Variants in ZNF516 observed in about 807,000 individuals in gnomAD.
ZNF516 encodes zinc finger protein 516.
A neutral mutation model predicts 79.7 loss-of-function variants in ZNF516; 19 were observed. The observed-to-expected ratio is 0.24, with a 90% confidence interval of 0.17 to 0.35. The LOEUF (loss-of-function observed/expected upper bound fraction) is 0.35. Among genes scored for constraint, ZNF516 ranks in the 10% least tolerant of loss-of-function variants. The probability of loss-of-function intolerance (pLI) is 1.00; values close to 1 mark genes in which losing one functional copy is unlikely to be tolerated. For missense variants in ZNF516, 1,678 were observed against 1,679.5 expected (o/e 1.00, Z 0.02); for synonymous variants, 877 against 739.5 (o/e 1.19, Z -3.02).
intron 2 of ZNF516, among the ~76,000 whole-genome samples, chr18:76,444,992 G>C (rs3829638): frequency 0.018 from 2,674 of 152,272 alleles, 37 homozygotes; most frequent in African/African-American, 0.037. Context: ...CAGCAACACA[G>C]AGGTTCTGCT....
At chr18:76,386,542 G>C (rs1234975663) in intron 3 of ZNF516, 1 of 152,166 alleles carries the variant, frequency 6.6e-6, no homozygotes, top group Non-Finnish European at 1.5e-5. Flanking sequence ...AGGGAAGAAA[G>C]CTTGATGCTT....
At chr18:76,431,838 T>A (rs2075665320) in intron 3 of ZNF516, among the ~76,000 whole-genome samples, 2 of 152,180 alleles carry the variant, frequency 1.3e-5, no homozygotes, top group South Asian at 4.1e-4. Flanking sequence ...AAAATCAATC[T>A]CTTTTCTTTA....
chr18:76,376,077 G>A (rs1338229663), intron 4 of ZNF516, among the ~76,000 whole-genome samples: 2 of 152,262 alleles, frequency 1.3e-5, no homozygotes, highest in Admixed American at 6.5e-5. Flanking sequence ...GGAAAGGCAA[G>A]AGGGAAATGT....
Position 76,441,898 on chromosome 18 carries a change from C to T in ZNF516, c.1157G>A (p.Cys386Tyr), listed in dbSNP as rs1025580897. Residue 386 changes from cysteine (C) to tyrosine (Y), a missense_variant, in exon 3 of 7, where the codon TGC (cysteine) becomes TAC (tyrosine). Around this residue, in one of 5 missense-constraint regions of ZNF516, gnomAD observed 1,294 missense variants for 1,248.3 expected, o/e 1.04. Coordinates refer to ENST00000443185, the MANE Select transcript of ZNF516 (RefSeq NM_014643.4). Reference sequence around the variant, plus strand: ...GGCCGCCGACGGCCTCAGGTTCAGGCACTGGAGGAAGAACTGCTTGGTGTC... The same window carrying T: ...GGCCGCCGACGGCCTCAGGTTCAGGTACTGGAGGAAGAACTGCTTGGTGTC... ...PSDTKQFFLQ[C>Y]LNLRPSAAGD... is the part of the protein sequence containing the mutation. The T allele has an allele frequency of 4.4e-6, 7 of 1,599,894 alleles. No individual in the cohort carries two copies. The highest frequency in any genetic ancestry group is 5.9e-6 in the Non-Finnish European group (7 of 1,177,206).
At chr18:76,458,855 T>G (rs1171865113) in intron 2 of ZNF516, among the ~76,000 whole-genome samples, 1 of 139,676 alleles carries the variant, frequency 7.2e-6, no homozygotes, top group Non-Finnish European at 1.6e-5. Flanking sequence ...TGCATGCCTG[T>G]AGGCAATGCC....
chr18:76,402,122 C>A (rs1034080713), intron 3 of ZNF516, among the ~76,000 whole-genome samples: 5 of 152,300 alleles, frequency 3.3e-5, no homozygotes, highest in Admixed American at 6.5e-5. Context: ...CAAGCCTTAG[C>A]CCCGCGCCTT....
At chr18:76,399,006 A>T (rs1328256254) in intron 3 of ZNF516, among the ~76,000 whole-genome samples, 1 of 152,148 alleles carries the variant, frequency 6.6e-6, no homozygotes, top group East Asian at 1.9e-4. Flanking sequence ...TTCATAACAC[A>T]AGCGGTCTCT....
intron 1 of ZNF516, among the ~76,000 whole-genome samples, chr18:76,479,336 C>T (rs958248178): frequency 6.6e-6 from 1 of 152,166 alleles, no homozygotes; most frequent in Non-Finnish European, 1.5e-5. Flanking sequence ...AGAAATTGTT[C>T]GGGAAAAGAA....
intron 6 of ZNF516, among the ~76,000 whole-genome samples, chr18:76,368,506 T>C (rs2074653001): frequency 6.6e-6 from 1 of 151,604 alleles, no homozygotes; most frequent in Non-Finnish European, 1.5e-5. Context: ...GCCACTGTCC[T>C]ATGAATGAAA....
At chr18:76,438,481 G>A (rs550795303) in intron 3 of ZNF516, among the ~76,000 whole-genome samples, 9 of 152,186 alleles carry the variant, frequency 5.9e-5, no homozygotes, top group East Asian at 3.9e-4. Flanking sequence ...TCCATGCCAC[G>A]TCTCTTTCTC....
At chr18:76,412,410 G>A (rs565738704) in intron 3 of ZNF516, among the ~76,000 whole-genome samples, 1 of 152,298 alleles carries the variant, frequency 6.6e-6, no homozygotes, top group Non-Finnish European at 1.5e-5. Context: ...CCTCCTGGGA[G>A]GGCCATTCCT....
At chr18:76,446,061 G>A (rs1283120153) in intron 2 of ZNF516, among the ~76,000 whole-genome samples, 1 of 151,964 alleles carries the variant, frequency 6.6e-6, no homozygotes, top group Admixed American at 6.6e-5. Flanking sequence ...CGTGCAGTTG[G>A]GAACCCTGGT....
Position 76,442,930 on chromosome 18 carries a change from C to T in ZNF516, c.125G>A (p.Ser42Asn). 6.2e-7 allele frequency: 1 copy of T among 1,612,142 alleles called. No individual in the cohort carries two copies. Among genetic ancestry groups the T allele is most frequent in the Non-Finnish European group, 8.5e-7 (1 of 1,179,806 alleles). Residue 42 changes from serine (S) to asparagine (N), a missense_variant, in exon 3 of 7, where the codon AGC (serine) becomes AAC (asparagine). Transcript: ENST00000443185. ...TCHTCCICGK[S>N]FPFQSSLSQH... ...CGAAAGCGAGCTCTGGAAGGGGAAG[C>T]TCTTGCCGCAGATGCAGCAGGTGTG...
Position 76,493,259 on chromosome 18 carries a change from G to A in ZNF516, c.-272+1885C>T, listed in dbSNP as rs1915338869. 2.2e-6 allele frequency: 2 copies of A among 911,454 alleles called. No individual in the cohort carries two copies. The highest frequency in any genetic ancestry group is 2.6e-6 in the Non-Finnish European group (2 of 768,128). 56.5% of individuals were successfully genotyped at this position (911,454 alleles called of 1,614,324 possible). On this transcript the variant is annotated intron_variant, in intron 1 of 6. Transcript: ENST00000443185. The surrounding 1 kb of genome is among the most constrained non-coding windows in gnomAD (Gnocchi z 5.2). The stretch of plus-strand genomic sequence containing the variant: ...TTTGTACTTCCACAAAGGATGGAAA[G>A]GGAAATTCACGAAGGGAGTGGAGGC...
intron 2 of ZNF516, among the ~76,000 whole-genome samples, chr18:76,444,552 CA>C (rs1911925949): frequency 6.6e-6 from 1 of 152,232 alleles, no homozygotes; most frequent in Admixed American, 6.5e-5. Context: ...ACACAGCTTC[CA>C]TGAAAGATGA....
intron 2 of ZNF516, among the ~76,000 whole-genome samples, chr18:76,446,191 C>T (rs952316070): frequency 3.3e-5 from 5 of 152,170 alleles, no homozygotes; most frequent in South Asian, 4.1e-4. Flanking sequence ...CACATGTCAC[C>T]GAAGCCCCTT....
chr18:76,432,383 C>T (rs376906628), intron 3 of ZNF516, among the ~76,000 whole-genome samples: 1 of 152,226 alleles, frequency 6.6e-6, no homozygotes, highest in Non-Finnish European at 1.5e-5. Context: ...AAAGCACCAG[C>T]ACCACCGCTA....
At position 76,379,172 on chromosome 18, in the gene ZNF516, T is replaced by C. The variant is rs754328485; in HGVS notation, c.2942A>G (p.Gln981Arg). Residue 981 changes from glutamine (Q) to arginine (R), a missense_variant, in exon 4 of 7, where the codon CAG (glutamine) becomes CGG (arginine). Around this residue, in one of 5 missense-constraint regions of ZNF516, gnomAD observed 1,294 missense variants for 1,248.3 expected, o/e 1.04. Transcript: ENST00000443185. ...PDSLKAKFSA[Q>R]PQGPPPAKGE... is the part of the protein sequence containing the mutation. ...CTTTGCAGGAGGTGGACCCTGAGGCTGAGCACTGAATTTGGCTTTCAGGGA... is the reference window on the plus strand; with the variant it reads ...CTTTGCAGGAGGTGGACCCTGAGGCCGAGCACTGAATTTGGCTTTCAGGGA... The C allele has an allele frequency of 1.9e-6, 3 of 1,612,898 alleles. No homozygotes were observed. The South Asian group carries it at 3.3e-5, about 18-fold the overall frequency.
rs892437716 is a variant in ZNF516 at position 76,358,077 on chromosome 18, C to G, written c.*4421G>C. 35 of 152,330 alleles carry G rather than the reference C, an allele frequency of 2.3e-4. No individual in the cohort carries two copies. Among genetic ancestry groups the G allele is most frequent in the African/African-American group, 7.5e-4 (31 of 41,574 alleles). The allele number at this position is 152,330 out of a possible 1,614,324, so 9.4% of individuals were successfully genotyped here. A position where few individuals can be genotyped will look rare whatever the true frequency, so the allele number is the denominator to read the frequency against. On this transcript the variant is annotated 3_prime_UTR_variant, in exon 7 of 7. Coordinates refer to ENST00000443185, the MANE Select transcript of ZNF516 (RefSeq NM_014643.4). ...CTAAAACTCTTCCATAAATAAAGAGCATTAACACTTTGGTTTATGTTCAGC... is the reference window on the plus strand; with the variant it reads ...CTAAAACTCTTCCATAAATAAAGAGGATTAACACTTTGGTTTATGTTCAGC...
Sources: allele counts gnomAD v4.1 joint callset (sites outside exome capture counted in the v4.1 genomes callset), GRCh38; gene constraint gnomAD v4.1.1; regional missense constraint gnomAD v4.1.1; non-coding constraint Gnocchi (gnomAD v3.1); transcripts MANE v1.5; gene names NCBI Gene and HGNC (gene_info 2026-07-23, HGNC 2026-07-21).